Variants in MSRB2 observed in about 807,000 individuals in gnomAD.
MSRB2 encodes the protein methionine-R-sulfoxide reductase B2, mitochondrial.
Under a neutral mutation model 19.0 loss-of-function variants are expected in MSRB2, and 17 were observed. That is an observed-to-expected ratio of 0.89 (90% CI 0.61 to 1.34). The LOEUF (loss-of-function observed/expected upper bound fraction) is 1.34, where lower values mean the gene tolerates loss of function less well. Ranked by LOEUF, MSRB2 falls within the 40% of genes most tolerant of loss-of-function variation. The pLI, the probability that MSRB2 is intolerant of heterozygous loss-of-function variation, is 0.00. For missense variants in MSRB2, 208 were observed against 237.6 expected (o/e 0.88, Z 0.82); for synonymous variants, 107 against 99.7 (o/e 1.07, Z -0.44).
rs546537914 is a variant in MSRB2 at position 23,120,766 on chromosome 10, T to G, written c.453T>G (p.Ala151=). The G allele has an allele frequency of 2.5e-6, 4 of 1,613,740 alleles. No individual in the cohort carries two copies. In the South Asian group the frequency reaches 4.4e-5, roughly 18 times the overall value. ...GCTTCTGTCCTTTGCAGTGTGAAGC[T>G]CATCTAGGTCACGTGTTTCCTGATG... ...RTEVVCKQCE[A]HLGHVFPDGP... Residue 151 remains alanine (A), a synonymous_variant, in exon 5 of 5, where the codon GCT becomes GCG. Coordinates refer to ENST00000376510, the MANE Select transcript of MSRB2 (RefSeq NM_012228.4).
At chr10:23,101,632 A>G (rs1839927601) in intron 1 of MSRB2, among the ~76,000 whole-genome samples, 1 of 152,142 alleles carries the variant, frequency 6.6e-6, no homozygotes, top group African/African-American at 2.4e-5. Context: ...AGAGTGGAAA[A>G]GGTTTAAAAC....
At chr10:23,113,986 G>A (rs1193632049) in intron 3 of MSRB2, among the ~76,000 whole-genome samples, 2 of 152,142 alleles carry the variant, frequency 1.3e-5, no homozygotes, top group Admixed American at 6.5e-5. Context: ...CCATAAGTAC[G>A]TATTGATTGG....
At chr10:23,098,614 C>T (rs1456545538) in intron 1 of MSRB2, among the ~76,000 whole-genome samples, 3 of 152,168 alleles carry the variant, frequency 2.0e-5, no homozygotes, top group African/African-American at 7.2e-5. Flanking sequence ...CAGAAAATAC[C>T]TGCACACACA....
chr10:23,105,200 C>G (rs1293828054), intron 2 of MSRB2, among the ~76,000 whole-genome samples: 1 of 141,648 alleles, frequency 7.1e-6, no homozygotes, highest in African/African-American at 2.8e-5. Flanking sequence ...TTATCTCTCT[C>G]TCTCTGTGTG....
At chr10:23,097,262 G>C (rs895424267) in intron 1 of MSRB2, among the ~76,000 whole-genome samples, 3 of 152,228 alleles carry the variant, frequency 2.0e-5, no homozygotes, top group African/African-American at 7.2e-5. Context: ...AATAGATGCA[G>C]ATTTTGAGTC....
intron 3 of MSRB2, among the ~76,000 whole-genome samples, chr10:23,112,849 G>T (rs956432588): frequency 1.3e-5 from 2 of 152,222 alleles, no homozygotes; most frequent in African/African-American, 4.8e-5. Flanking sequence ...CTCCCAAAGT[G>T]CTGGGATTAC....
chr10:23,117,953 A>G (rs1488478439), intron 3 of MSRB2, among the ~76,000 whole-genome samples: 1 of 152,246 alleles, frequency 6.6e-6, no homozygotes, highest in Non-Finnish European at 1.5e-5. Flanking sequence ...AGTATTGCAG[A>G]TTAAGGATGC....
At chr10:23,113,295 G>A (rs1258559463) in intron 3 of MSRB2, among the ~76,000 whole-genome samples, 2 of 152,132 alleles carry the variant, frequency 1.3e-5, no homozygotes, top group Non-Finnish European at 2.9e-5. Context: ...CTGGCCTCCT[G>A]GGATCTGCTC....
chr10:23,121,354 C>CTCTCTCA lies in MSRB2; in HGVS notation c.*492_*493insTCTCTCA, dbSNP rs1840181025. ...TAGGGAGGTGCCACATACTTTTAAACAGCCAGATCTCTCAAGAACTCACTC... is the reference window on the plus strand; with the variant it reads ...TAGGGAGGTGCCACATACTTTTAAACTCTCTCAAGCCAGATCTCTCAAGAACTCACTC... On this transcript the variant is annotated 3_prime_UTR_variant, in exon 5 of 5. Transcript: ENST00000376510. 6.4e-6 allele frequency: 1 copy of CTCTCTCA among 155,098 alleles called. No homozygotes were observed. Among genetic ancestry groups the CTCTCTCA allele is most frequent in the Admixed American group, 6.3e-5 (1 of 15,854 alleles). 9.6% of individuals were successfully genotyped at this position (155,098 alleles called of 1,614,324 possible).
At chr10:23,113,290 C>T (rs1439488963) in intron 3 of MSRB2, among the ~76,000 whole-genome samples, 1 of 152,180 alleles carries the variant, frequency 6.6e-6, no homozygotes, top group East Asian at 1.9e-4. Context: ...CTGAGCTGGC[C>T]TCCTGGGATC....
intron 1 of MSRB2, among the ~76,000 whole-genome samples, chr10:23,102,974 C>A (rs914753781): frequency 6.6e-5 from 10 of 152,034 alleles, no homozygotes; most frequent in Admixed American, 5.9e-4. Flanking sequence ...CAAAAAGAAA[C>A]CCCTGTAGTC....
chr10:23,116,356 G>A (rs145438567), intron 3 of MSRB2, among the ~76,000 whole-genome samples: 1 of 152,132 alleles, frequency 6.6e-6, no homozygotes, highest in Non-Finnish European at 1.5e-5. Flanking sequence ...GAGCAGCTGG[G>A]GTAGGAGCTT....
chr10:23,114,359 A>G (rs991466301), intron 3 of MSRB2, among the ~76,000 whole-genome samples: 11 of 151,916 alleles, frequency 7.2e-5, no homozygotes, highest in Non-Finnish European at 1.6e-4. Context: ...CAAAAAAAAA[A>G]AAAAAAAAAG....
chr10:23,116,521 G>A (rs147681441), intron 3 of MSRB2, among the ~76,000 whole-genome samples: 2 of 152,304 alleles, frequency 1.3e-5, no homozygotes, highest in East Asian at 1.9e-4. Context: ...ACATTTAAAT[G>A]TATTATAATT....
intron 1 of MSRB2, among the ~76,000 whole-genome samples, chr10:23,099,469 T>C (rs899490083): frequency 1.3e-5 from 2 of 152,218 alleles, no homozygotes; most frequent in South Asian, 2.1e-4. Flanking sequence ...AAAAGAACCA[T>C]TAAAAATGTC....
intron 3 of MSRB2, among the ~76,000 whole-genome samples, chr10:23,116,758 C>T (rs1019216319): frequency 5.9e-5 from 9 of 152,118 alleles, no homozygotes; most frequent in African/African-American, 2.2e-4. Context: ...TATCTCAAGG[C>T]CAGTGATTGT....
rs375428530 is a variant in MSRB2 at position 23,104,237 on chromosome 10, C to T, written c.212C>T (p.Thr71Met). 5.4e-5 allele frequency: 87 copies of T among 1,612,372 alleles called. No homozygotes were observed. In the African/African-American group the frequency reaches 5.9e-4, roughly 11 times the overall value. Reference sequence around the variant, plus strand: ...TTCTACGTCACAAGAGAAAAGGGAACGGAACCGGTAAGCTAAGCTGGTTTA... The same window carrying T: ...TTCTACGTCACAAGAGAAAAGGGAATGGAACCGGTAAGCTAAGCTGGTTTA... Reference protein sequence around the residue: ...EQFYVTREKGTEPPFSGIYLN... With the variant: ...EQFYVTREKGMEPPFSGIYLN... The change falls in exon 2 of 5, where the codon ACG becomes ATG. Residue 71 changes from threonine (T) to methionine (M), a missense_variant. Thr to Met is a moderately conservative substitution (Grantham distance 81). Coordinates refer to ENST00000376510, the MANE Select transcript of MSRB2 (RefSeq NM_012228.4).
intron 3 of MSRB2, among the ~76,000 whole-genome samples, chr10:23,117,217 A>G (rs1840121035): frequency 1.3e-5 from 2 of 152,226 alleles, no homozygotes; most frequent in South Asian, 4.1e-4. Context: ...CAAATCTTTC[A>G]GAAGTCAAAG....
In MSRB2 at chr10:23,114,651, C is replaced by T. The variant is rs183790844; in HGVS notation, c.296+4333C>T. ...CAGCAATGAAGGAGCCCTCTGGGCA[C>T]GCGGCAGGTGCCATGCCCAGGCTCT... On this transcript the variant is annotated intron_variant, in intron 3 of 4. Coordinates refer to ENST00000376510, the MANE Select transcript of MSRB2 (RefSeq NM_012228.4). Among the ~76,000 whole-genome samples the T allele has an allele frequency of 6.1e-4, 93 of 152,328 alleles. 1 individual carries two copies. The highest frequency in any genetic ancestry group is 3.9e-4 in the East Asian group (2 of 5,182).
Sources: allele counts gnomAD v4.1 joint callset (sites outside exome capture counted in the v4.1 genomes callset), GRCh38; gene constraint gnomAD v4.1.1; transcripts MANE v1.5; gene names NCBI Gene and HGNC (gene_info 2026-07-23, HGNC 2026-07-21).